EDARADD: variants seen among roughly 807,000 people sequenced by gnomAD.
The protein encoded by EDARADD is EDAR associated via death domain, also known as ectodysplasin-A receptor-associated adapter protein.
A neutral mutation model predicts 25.6 loss-of-function variants in EDARADD; 20 were observed. That is an observed-to-expected ratio of 0.78 (90% CI 0.55 to 1.14). The LOEUF (loss-of-function observed/expected upper bound fraction) is 1.14, where lower values mean the gene tolerates loss of function less well. Among genes scored for constraint, EDARADD ranks in the 50% most tolerant of loss-of-function variants. The probability of loss-of-function intolerance (pLI) is 0.00; values close to 1 mark genes in which losing one functional copy is unlikely to be tolerated. For synonymous variants in EDARADD, 86 were observed against 94.4 expected (o/e 0.91, Z 0.52); for missense variants, 225 against 270.1 (o/e 0.83, Z 1.17).
intron 5 of EDARADD, among the ~76,000 whole-genome samples, chr1:236,478,010 G>A (rs1659557591): frequency 6.6e-6 from 1 of 152,124 alleles, no homozygotes; most frequent in South Asian, 2.1e-4. Context: ...GGCTGAGGCA[G>A]GAGAATTGCT....
intron 4 of EDARADD, among the ~76,000 whole-genome samples, chr1:236,438,165 C>A (rs1025704690): frequency 6.6e-6 from 1 of 152,166 alleles, no homozygotes; most frequent in African/African-American, 2.4e-5. Flanking sequence ...GGAAGCCAGT[C>A]ATATTGAGTT....
chr1:236,442,774 G>C (rs991079014), intron 4 of EDARADD, among the ~76,000 whole-genome samples: 1 of 152,132 alleles, frequency 6.6e-6, no homozygotes, highest in African/African-American at 2.4e-5. Flanking sequence ...GATGTTCCTG[G>C]TCACCCAAGA....
intron 4 of EDARADD, among the ~76,000 whole-genome samples, chr1:236,447,167 T>A (rs1658566722): frequency 8.8e-6 from 1 of 113,988 alleles, no homozygotes; most frequent in African/African-American, 3.9e-5. Context: ...CCTCCCTCCC[T>A]CCCTCTTTCT....
rs1468807743 is a variant in EDARADD at position 236,468,150 on chromosome 1, A to G, written c.220-81A>G. ...CCCAGCCCCCAGGGTTTTGGTGGAA[A>G]TTTAACTAAGTTGGAAGATTGATAA... On this transcript the variant is annotated intron_variant, in intron 4 of 5. Transcript: ENST00000334232. 40 of 1,460,930 alleles carry G rather than the reference A, an allele frequency of 2.7e-5. No homozygotes were observed. In the East Asian group the frequency reaches 8.9e-4, roughly 32 times the overall value. 90.5% of individuals were successfully genotyped at this position (1,460,930 alleles called of 1,614,324 possible).
In EDARADD at chr1:236,405,253, A is replaced by G. The variant is rs549479502; in HGVS notation, c.62-3963A>G. Among the ~76,000 whole-genome samples, 45 of 152,268 alleles carry G rather than the reference A, an allele frequency of 3.0e-4. No homozygotes were observed. In the South Asian group the frequency reaches 9.1e-3, roughly 31 times the overall value. On this transcript the variant is annotated intron_variant, in intron 1 of 5. Coordinates refer to ENST00000334232, the MANE Select transcript of EDARADD (RefSeq NM_145861.4). The stretch of plus-strand genomic sequence containing the variant: ...CTGTGTCTTTCTCATCTTAAGTTCC[A>G]TTTATTCTGAGATGTCAGACCGAAG...
intron 3 of EDARADD, among the ~76,000 whole-genome samples, chr1:236,377,799 A>G (rs944611329): frequency 9.9e-5 from 15 of 152,012 alleles, no homozygotes; most frequent in Non-Finnish European, 5.9e-5. Flanking sequence ...CAGAGGTTGC[A>G]GTGAGCCAAG....
chr1:236,405,785 C>CTTTCT (rs761521808), intron 1 of EDARADD, among the ~76,000 whole-genome samples: 1 of 54,432 alleles, frequency 1.8e-5, no homozygotes, highest in African/African-American at 6.1e-5. Context: ...TTCTTTCTTT[C>CTTTCT]TTTCTTTTCT....
intron 5 of EDARADD, among the ~76,000 whole-genome samples, chr1:236,479,765 G>T (rs867392412): frequency 2.2e-4 from 33 of 151,528 alleles, no homozygotes; most frequent in Middle Eastern, 6.8e-3. Context: ...AAGAAAACTG[G>T]CTGGGCACAG....
intron 1 of EDARADD, among the ~76,000 whole-genome samples, chr1:236,401,261 A>G (rs897257081): frequency 1.3e-5 from 2 of 152,204 alleles, no homozygotes; most frequent in Non-Finnish European, 2.9e-5. Flanking sequence ...GCAATCACAC[A>G]TTCAAATAAT....
chr1:236,456,080 CG>C (rs1658856583), intron 4 of EDARADD, among the ~76,000 whole-genome samples: 1 of 152,080 alleles, frequency 6.6e-6, no homozygotes, highest in Non-Finnish European at 1.5e-5. Flanking sequence ...TGAGCCACCG[CG>C]CCCAGGTGCC....
intron 3 of EDARADD, among the ~76,000 whole-genome samples, chr1:236,360,866 AG>A (rs1402713141): frequency 6.6e-6 from 1 of 151,892 alleles, no homozygotes; most frequent in African/African-American, 2.4e-5. Context: ...TTTTTACACT[AG>A]TGATGAAGGA....
chr1:236,437,658 T>A (rs1056334441), intron 4 of EDARADD, among the ~76,000 whole-genome samples: 2 of 151,920 alleles, frequency 1.3e-5, no homozygotes, highest in East Asian at 3.9e-4. Context: ...GTGCCACGAA[T>A]GAAGTGACTT....
chr1:236,468,047 G>A (rs1048265998), intron 4 of EDARADD, among the ~76,000 whole-genome samples, 184 bp from the exon 5 acceptor site: 1 of 152,244 alleles, frequency 6.6e-6, no homozygotes, highest in African/African-American at 2.4e-5. Context: ...TGCGCTCAAG[G>A]TGCTCGTATT....
chr1:236,378,247 A>T (rs892903816), intron 3 of EDARADD, among the ~76,000 whole-genome samples: 2 of 152,214 alleles, frequency 1.3e-5, no homozygotes, highest in African/African-American at 4.8e-5. Context: ...GGTATATTTC[A>T]AAATGGTTCT....
intron 3 of EDARADD, among the ~76,000 whole-genome samples, chr1:236,417,688 C>T (rs1443478160): frequency 1.3e-5 from 2 of 151,820 alleles, no homozygotes; most frequent in Non-Finnish European, 2.9e-5. Flanking sequence ...CCCAGTATCT[C>T]GCAGAAGCTG....
At chr1:236,361,067 A>C (rs1667041998) in intron 3 of EDARADD, among the ~76,000 whole-genome samples, 2 of 152,204 alleles carry the variant, frequency 1.3e-5, no homozygotes, top group African/African-American at 4.8e-5. Context: ...AACCTGCTGT[A>C]TTGACATACA....
At chr1:236,453,032 C>T (rs977960832) in intron 4 of EDARADD, among the ~76,000 whole-genome samples, 1 of 152,198 alleles carries the variant, frequency 6.6e-6, no homozygotes, top group Non-Finnish European at 1.5e-5. Context: ...TTGTATCTTT[C>T]CTACAACTAC....
chr1:236,424,061 G>A (rs1046195372), intron 3 of EDARADD, among the ~76,000 whole-genome samples: 2 of 150,708 alleles, frequency 1.3e-5, no homozygotes, highest in Admixed American at 6.6e-5. Context: ...AGCTGAGATC[G>A]CACCACTGCA....
chr1:236,405,537 A>T (rs1483572884), intron 1 of EDARADD, among the ~76,000 whole-genome samples: 6 of 152,206 alleles, frequency 3.9e-5, no homozygotes, highest in African/African-American at 1.2e-4. Flanking sequence ...CTCCAAGGTC[A>T]CACCTCTAGG....
Sources: allele counts gnomAD v4.1 joint callset (sites outside exome capture counted in the v4.1 genomes callset), GRCh38; gene constraint gnomAD v4.1.1; transcripts MANE v1.5; gene names NCBI Gene and HGNC (gene_info 2026-07-23, HGNC 2026-07-21).